MYO9B: variants seen among roughly 807,000 people sequenced by gnomAD.
MYO9B encodes myosin IXB.
Under a neutral mutation model 229.5 loss-of-function variants are expected in MYO9B, and 71 were observed. The observed-to-expected ratio is 0.31, with a 90% CI of 0.26 to 0.38. The LOEUF (loss-of-function observed/expected upper bound fraction) is 0.38. Ranked by LOEUF, MYO9B falls within the 10% of genes least tolerant of loss-of-function variation. The pLI is 1.00. For synonymous variants in MYO9B, 1,185 were observed against 1,235.8 expected (o/e 0.96, Z 0.86); for missense variants, 2,255 against 2,920.5 (o/e 0.77, Z 5.25).
At position 17,206,126 on chromosome 19, in the gene MYO9B, G is replaced by A. The variant is rs780042767; in HGVS notation, c.5231G>A (p.Arg1744Gln). The A allele has an allele frequency of 1.7e-4, 271 of 1,606,796 alleles. No homozygotes were observed. The highest frequency in any genetic ancestry group is 2.2e-4 in the Non-Finnish European group (260 of 1,175,494). Residue 1744 changes from arginine to glutamine, a missense_variant, in exon 32 of 40, where the codon CGG becomes CAG. This residue lies in a region of MYO9B where 416 missense variants were observed against 605.5 expected (regional missense o/e 0.69). Transcript: ENST00000682292. ...YRKSGAANRT[R>Q]ELRQALQTDP... ...AAGTCGGGTGCTGCCAACCGCACTC[G>A]GGAGCTCCGGCAGGCGCTGCAGACA...
chr19:17,194,974 A>C lies in MYO9B; in HGVS notation c.3547A>C (p.Thr1183Pro). The C allele has an allele frequency of 6.2e-7, 1 of 1,613,380 alleles. No homozygotes were observed. The highest frequency in any genetic ancestry group is 8.5e-7 in the Non-Finnish European group (1 of 1,179,894). ...CCTCAGAGAACCTTCCAGAAGGGTC[A>C]CCCAGGAGCAAGGGGTGAGTCTCCT... is the stretch of plus-strand genomic sequence containing the variant. Reference protein sequence around the residue: ...SALREPSRRVTQEQGVSLLED... With the variant: ...SALREPSRRVPQEQGVSLLED... Residue 1183 changes from threonine to proline, a missense_variant, in exon 22 of 40, where the codon ACC becomes CCC. By Grantham distance (38) the Thr-to-Pro change is conservative. Coordinates refer to ENST00000682292, the MANE Select transcript of MYO9B (RefSeq NM_004145.4).
chr19:17,078,326 G>A (rs1160529831), intron 1 of MYO9B, among the ~76,000 whole-genome samples: 1 of 152,166 alleles, frequency 6.6e-6, no homozygotes, highest in Non-Finnish European at 1.5e-5. Context: ...TGGATCACAA[G>A]GTCAGGAGTT....
chr19:17,205,425 C>A, intron 31 of MYO9B, 89 bp downstream of exon 31: 2 of 1,309,762 alleles, frequency 1.5e-6, no homozygotes, highest in Non-Finnish European at 1.1e-6. Flanking sequence ...GAGGGCCAAG[C>A]GAAGCATTGA....
intron 13 of MYO9B, among the ~76,000 whole-genome samples, chr19:17,173,700 G>C (rs971940416): frequency 4.6e-5 from 7 of 152,266 alleles, no homozygotes; most frequent in African/African-American, 1.7e-4. Flanking sequence ...TTTGAGGCAG[G>C]GGGTGTGCCT....
At chr19:17,158,948 C>CT (rs936743910) in intron 7 of MYO9B, among the ~76,000 whole-genome samples, 34 of 152,222 alleles carry the variant, frequency 2.2e-4, no homozygotes, top group African/African-American at 8.2e-4. Flanking sequence ...AATCCCAGCA[C>CT]TTTGGGAGGC....
chr19:17,080,300 G>A (rs1159999361), intron 1 of MYO9B, among the ~76,000 whole-genome samples: 5 of 152,176 alleles, frequency 3.3e-5, no homozygotes, highest in African/African-American at 7.2e-5. Context: ...TGGCCAGAAC[G>A]ACAGAAGTAT....
At chr19:17,206,875 C>A in intron 34 of MYO9B, 91 bp downstream of exon 34, 2 of 1,320,458 alleles carry the variant, frequency 1.5e-6, no homozygotes, top group Non-Finnish European at 2.1e-6. Flanking sequence ...AGCTGGCGTT[C>A]TGTGGTGGTT....
Position 17,210,782 on chromosome 19 carries a change from C to A in MYO9B, c.5864C>A (p.Ala1955Asp). 6.3e-7 allele frequency: 1 copy of A among 1,582,934 alleles called. No homozygotes were observed. Among genetic ancestry groups the A allele is most frequent in the Non-Finnish European group, 8.6e-7 (1 of 1,165,152 alleles). Residue 1955 changes from alanine to aspartate, a missense_variant, in exon 38 of 40, where the codon GCC becomes GAC. By Grantham distance (126) the Ala-to-Asp change is moderately radical. Coordinates refer to ENST00000682292, the MANE Select transcript of MYO9B (RefSeq NM_004145.4). The part of the protein sequence containing the change: ...ELEVLLEEEA[A>D]GGDEDREKEI... ...GAGGTGCTGCTGGAGGAGGAGGCAG[C>A]CGGCGGCGATGAGGACCGGGAAAAG...
chr19:17,162,196 T>C (rs953990828), intron 8 of MYO9B, among the ~76,000 whole-genome samples, 154 bp from the exon 9 acceptor site: 2 of 151,968 alleles, frequency 1.3e-5, no homozygotes, highest in African/African-American at 4.8e-5. Context: ...TCTCAGCTAC[T>C]TGGGAGGCTG....
intron 33 of MYO9B, 145 bp downstream of exon 33, chr19:17,206,521 C>T: frequency 7.2e-7 from 1 of 1,387,820 alleles, no homozygotes; most frequent in East Asian, 2.5e-5. Context: ...AACCGGGTCC[C>T]CAGTTTGGGG....
At chr19:17,091,580 A>G (rs2057638938) in intron 1 of MYO9B, among the ~76,000 whole-genome samples, 1 of 152,170 alleles carries the variant, frequency 6.6e-6, no homozygotes, top group African/African-American at 2.4e-5. Context: ...GGTAGTGTTC[A>G]GGCCCAGGTA....
At chr19:17,088,546 A>G (rs1600022206) in intron 1 of MYO9B, among the ~76,000 whole-genome samples, 1 of 152,052 alleles carries the variant, frequency 6.6e-6, no homozygotes, top group African/African-American at 2.4e-5. Flanking sequence ...CACCCCTAGG[A>G]CCTGGCCCCT....
chr19:17,088,496 C>T (rs373829574), intron 1 of MYO9B, among the ~76,000 whole-genome samples: 1 of 152,188 alleles, frequency 6.6e-6, no homozygotes, highest in South Asian at 2.1e-4. Flanking sequence ...GCTGGCTCCC[C>T]CAGCTGCTCC....
At chr19:17,168,630 G>A (rs945172191) in intron 11 of MYO9B, among the ~76,000 whole-genome samples, 2 of 152,226 alleles carry the variant, frequency 1.3e-5, no homozygotes, top group African/African-American at 4.8e-5. Context: ...ATGGGCCTAT[G>A]CCTAGAAACT....
In MYO9B at chr19:17,102,124, T is replaced by A; in HGVS notation, c.407T>A (p.Val136Glu). 1 of 1,613,446 alleles carries A rather than the reference T, an allele frequency of 6.2e-7. No homozygotes were observed. Among genetic ancestry groups the A allele is most frequent in the South Asian group, 1.1e-5 (1 of 91,082 alleles). Residue 136 changes from valine to glutamate, a missense_variant, in exon 2 of 40, where the codon GTG (valine) becomes GAG (glutamate). Transcript: ENST00000682292. ...VAQATATRRL[V>E]ERGLLPRQQA... is the part of the protein sequence containing the mutation. ...CAGGCCACAGCCACCCGGCGCCTAG[T>A]GGAGCGTGGCCTCCTGCCACGGCAG... is the stretch of plus-strand genomic sequence containing the variant.
intron 2 of MYO9B, among the ~76,000 whole-genome samples, chr19:17,141,458 C>T (rs1045069492): frequency 1.3e-5 from 2 of 152,198 alleles, no homozygotes; most frequent in African/African-American, 2.4e-5. Flanking sequence ...CCAAACCTAG[C>T]GGTCACAAGG....
chr19:17,198,319 G>A lies in MYO9B; in HGVS notation c.4238+11G>A. 2 of 1,613,248 alleles carry A rather than the reference G, an allele frequency of 1.2e-6. No homozygotes were observed. Reference sequence around the variant, plus strand: ...TCAGGTCGACTCTAAGTAAGTATTGGGCTTGGGGGAAACTCAGGCCACCAG... The same window carrying A: ...TCAGGTCGACTCTAAGTAAGTATTGAGCTTGGGGGAAACTCAGGCCACCAG... On this transcript the variant is annotated intron_variant, in intron 24 of 39. Coordinates refer to ENST00000682292, the MANE Select transcript of MYO9B (RefSeq NM_004145.4).
intron 3 of MYO9B, among the ~76,000 whole-genome samples, chr19:17,147,251 C>T (rs2072421869): frequency 2.0e-5 from 3 of 152,162 alleles, no homozygotes; most frequent in Non-Finnish European, 4.4e-5. Context: ...GGTTAAAATA[C>T]ACAACATAAG....
intron 1 of MYO9B, among the ~76,000 whole-genome samples, chr19:17,099,638 A>G (rs930148222): frequency 1.3e-5 from 2 of 151,382 alleles, no homozygotes; most frequent in Non-Finnish European, 2.9e-5. Context: ...ACATGGTGAA[A>G]CTCCATCTCT....
Sources: gnomAD v4.1 joint callset for allele counts (sites outside exome capture counted in the v4.1 genomes callset) on GRCh38, gnomAD v4.1.1 for gene constraint, gnomAD v4.1.1 regional missense constraint, MANE v1.5 for transcripts, NCBI Gene and HGNC (gene_info 2026-07-23, HGNC 2026-07-21) for gene names.